The following EMCN variants were observed in gnomAD, a reference collection of about 807,000 sequenced individuals.
EMCN encodes endomucin, also known as MUC-14.
Under a neutral mutation model 38.4 loss-of-function variants are expected in EMCN, and 37 were observed. That is an observed-to-expected ratio of 0.96 (90% CI 0.74 to 1.27). EMCN has a LOEUF of 1.27. Ranked by LOEUF, EMCN falls within the 50% of genes most tolerant of loss-of-function variation. The pLI, the probability that EMCN is intolerant of heterozygous loss-of-function variation, is 0.00. For synonymous variants in EMCN, 95 were observed against 100.8 expected (o/e 0.94, Z 0.35); for missense variants, 318 against 302.8 (o/e 1.05, Z -0.37).
At chr4:100,496,856 A>C (rs1324073760) in intron 1 of EMCN, among the ~76,000 whole-genome samples, 1 of 152,182 alleles carries the variant, frequency 6.6e-6, no homozygotes, top group Non-Finnish European at 1.5e-5. Context: ...CTATTACACA[A>C]ACTGGAAATA....
At chr4:100,406,341 A>G (rs1726391732) in intron 11 of EMCN, among the ~76,000 whole-genome samples, 1 of 151,950 alleles carries the variant, frequency 6.6e-6, no homozygotes, top group Admixed American at 6.6e-5. Context: ...TCAATTTGAG[A>G]TCTTTCTGAT....
intron 1 of EMCN, chr4:100,486,986 CATTTT>C: frequency 1.0e-6 from 1 of 985,114 alleles, no homozygotes; most frequent in Non-Finnish European, 1.2e-6. Flanking sequence ...TATAAGGAGT[CATTTT>C]ATATATTATA....
At chr4:100,442,100 C>T (rs529696025) in intron 5 of EMCN, among the ~76,000 whole-genome samples, 3 of 152,290 alleles carry the variant, frequency 2.0e-5, no homozygotes, top group Admixed American at 2.0e-4. Context: ...TGAATTCCTT[C>T]AGCTTTTCTT....
chr4:100,417,293 A>T, intron 8 of EMCN, 152 bp from the exon 9 acceptor site: 4 of 741,498 alleles, frequency 5.4e-6, no homozygotes, highest in Non-Finnish European at 9.1e-6. Context: ...TCCCCTTGCC[A>T]AGCCATTTCC....
intron 10 of EMCN, among the ~76,000 whole-genome samples, chr4:100,410,629 AGAT>A (rs1726526883): frequency 6.6e-6 from 1 of 152,112 alleles, no homozygotes; most frequent in Non-Finnish European, 1.5e-5. Flanking sequence ...GTGAGTTGGG[AGAT>A]GATAACATTA....
chr4:100,428,218 C>T (rs889301861), intron 5 of EMCN, among the ~76,000 whole-genome samples: 16 of 152,266 alleles, frequency 1.1e-4, no homozygotes, highest in African/African-American at 2.2e-4. Flanking sequence ...GCCTCAACTC[C>T]GCCCACTTGC....
At chr4:100,410,775 CA>C (rs1726531388) in intron 10 of EMCN, among the ~76,000 whole-genome samples, 1 of 152,072 alleles carries the variant, frequency 6.6e-6, no homozygotes, top group African/African-American at 2.4e-5. Context: ...TTAAATAATT[CA>C]GTGAGGGTTT....
In EMCN at chr4:100,396,679, A is replaced by C. The variant is rs1726130092; in HGVS notation, c.*1734T>G. ...TTCCTCAGGCTCCAGAGTAGCTGGGACTACAGGCGTGCGCCACCACACCAG... is the reference window on the plus strand; with the variant it reads ...TTCCTCAGGCTCCAGAGTAGCTGGGCCTACAGGCGTGCGCCACCACACCAG... On this transcript the variant is annotated 3_prime_UTR_variant, in exon 12 of 12. Coordinates refer to ENST00000296420, the MANE Select transcript of EMCN (RefSeq NM_016242.4). 6.6e-6 allele frequency: 1 copy of C among 150,662 alleles called. No individual in the cohort carries two copies. The highest frequency in any genetic ancestry group is 1.5e-5 in the Non-Finnish European group (1 of 67,908). The allele number at this position is 150,662 out of a possible 1,614,324, so 9.3% of individuals were successfully genotyped here.
intron 2 of EMCN, among the ~76,000 whole-genome samples, chr4:100,475,352 C>T (rs1212883953): frequency 7.3e-6 from 1 of 136,778 alleles, no homozygotes. Flanking sequence ...ATAATAAGTC[C>T]CCAAAACAAG....
At chr4:100,514,225 T>C (rs1024600013) in intron 1 of EMCN, among the ~76,000 whole-genome samples, 1 of 151,972 alleles carries the variant, frequency 6.6e-6, no homozygotes, top group Non-Finnish European at 1.5e-5. Flanking sequence ...CCAAATACCA[T>C]TTTTCTCACT....
Position 100,494,120 on chromosome 4 carries a change from G to T in EMCN, c.65-14081C>A, listed in dbSNP as rs114457766. The stretch of plus-strand genomic sequence containing the variant: ...CACATGCTCAGCAAGAGGCCATCAT[G>T]TATTTATCCAAGAACAAAGAAGAAT... On this transcript the variant is annotated intron_variant, in intron 1 of 11. Coordinates refer to ENST00000296420, the MANE Select transcript of EMCN (RefSeq NM_016242.4). 9.7e-3 allele frequency among the ~76,000 whole-genome samples: 1,477 copies of T among 152,268 alleles called. 16 individuals are homozygous for T. The highest frequency in any genetic ancestry group is 0.034 in the African/African-American group (1,397 of 41,558).
In EMCN at chr4:100,493,716, A is replaced by G. The variant is rs113266704; in HGVS notation, c.65-13677T>C. On this transcript the variant is annotated intron_variant, in intron 1 of 11. Transcript: ENST00000296420. ...TATTTTACACGGGGGTTGTTTCACAACTTTTTTCCATATAAGTGAGTTATT... is the reference window on the plus strand; with the variant it reads ...TATTTTACACGGGGGTTGTTTCACAGCTTTTTTCCATATAAGTGAGTTATT... Among the ~76,000 whole-genome samples the G allele has an allele frequency of 3.7e-4, 57 of 152,304 alleles. 2 individuals are homozygous for G. Among genetic ancestry groups the G allele is most frequent in the African/African-American group, 1.3e-3 (54 of 41,568 alleles).
intron 1 of EMCN, chr4:100,487,053 C>T: frequency 3.1e-6 from 3 of 980,758 alleles, no homozygotes; most frequent in Non-Finnish European, 2.4e-6. Flanking sequence ...GCAAAGGTTA[C>T]ATTTAATATT....
At chr4:100,455,851 G>A (rs1728002112) in intron 4 of EMCN, among the ~76,000 whole-genome samples, 1 of 151,982 alleles carries the variant, frequency 6.6e-6, no homozygotes, top group Admixed American at 6.6e-5. Flanking sequence ...CTGGAGTGCA[G>A]TGGCATAATC....
chr4:100,498,648 G>T (rs1964660), intron 1 of EMCN, among the ~76,000 whole-genome samples: 42,870 of 151,932 alleles, frequency 0.28, 6,254 homozygotes, highest in African/African-American at 0.35. Flanking sequence ...TGCCCAGCTG[G>T]CCAGGCTGGT....
intron 1 of EMCN, among the ~76,000 whole-genome samples, chr4:100,484,111 A>G (rs1728881371): frequency 6.6e-6 from 1 of 152,190 alleles, no homozygotes; most frequent in Non-Finnish European, 1.5e-5. Context: ...ATGAAGCATT[A>G]TCTGAATATT....
At chr4:100,448,797 T>TTTCCTTCCG (rs1727751583) in intron 4 of EMCN, among the ~76,000 whole-genome samples, 1 of 129,088 alleles carries the variant, frequency 7.7e-6, no homozygotes, top group Non-Finnish European at 1.6e-5. Context: ...CCTTGAAGTC[T>TTTCCTTCCG]TCCTTCCTTC....
At chr4:100,492,774 A>C (rs1729117221) in intron 1 of EMCN, among the ~76,000 whole-genome samples, 1 of 152,220 alleles carries the variant, frequency 6.6e-6, no homozygotes, top group South Asian at 2.1e-4. Context: ...AAGAGAAGAC[A>C]CTAAATAAAT....
chr4:100,469,183 G>A (rs1728405312), intron 3 of EMCN, among the ~76,000 whole-genome samples: 1 of 152,044 alleles, frequency 6.6e-6, no homozygotes, highest in African/African-American at 2.4e-5. Flanking sequence ...GCTACCACAT[G>A]CAAAAGAATG....
Sources: gnomAD v4.1 joint callset for allele counts (sites outside exome capture counted in the v4.1 genomes callset) on GRCh38, gnomAD v4.1.1 for gene constraint, MANE v1.5 for transcripts, NCBI Gene and HGNC (gene_info 2026-07-23, HGNC 2026-07-21) for gene names.